Variants in ROR2 observed in about 807,000 individuals in gnomAD.
ROR2 encodes tyrosine-protein kinase transmembrane receptor ROR2.
Under a neutral mutation model 74.9 loss-of-function variants are expected in ROR2, and 33 were observed. That is an observed-to-expected ratio of 0.44 (90% confidence interval 0.33 to 0.59). ROR2 has a LOEUF of 0.59. Ranked by LOEUF, ROR2 falls within the 20% of genes least tolerant of loss-of-function variation. ROR2 has a pLI of 0.02. For missense variants in ROR2, 1,216 were observed against 1,313.8 expected (o/e 0.93, Z 1.15); for synonymous variants, 586 against 558.7 (o/e 1.05, Z -0.69).
chr9:91,812,796 C>T (rs1827804692), intron 1 of ROR2, among the ~76,000 whole-genome samples: 2 of 152,106 alleles, frequency 1.3e-5, no homozygotes, highest in African/African-American at 4.8e-5. Context: ...AAGAGGGAGG[C>T]TTCATTCTAC....
chr9:91,762,247 T>C (rs1666220187), intron 2 of ROR2, among the ~76,000 whole-genome samples: 1 of 152,222 alleles, frequency 6.6e-6, no homozygotes, highest in East Asian at 1.9e-4. Flanking sequence ...TAAGAGAGAA[T>C]GATCCTCTTT....
intron 8 of ROR2, 145 bp downstream of exon 8, chr9:91,726,394 GAA>G: frequency 1.8e-5 from 13 of 719,890 alleles, no homozygotes; most frequent in African/African-American, 3.6e-5. Context: ...CTAGTTTACA[GAA>G]AAAAAAAATG....
At chr9:91,837,370 C>T (rs1196447533) in intron 1 of ROR2, among the ~76,000 whole-genome samples, 1 of 152,182 alleles carries the variant, frequency 6.6e-6, no homozygotes, top group Non-Finnish European at 1.5e-5. Flanking sequence ...CTGTGCCCAG[C>T]CTGCTTACTG....
At position 91,803,743 on chromosome 9, in the gene ROR2, G is replaced by A. The variant is rs373361744; in HGVS notation, c.98-27925C>T. 1.4e-4 allele frequency among the ~76,000 whole-genome samples: 21 copies of A among 152,216 alleles called. No individual in the cohort carries two copies. The South Asian group carries it at 2.9e-3, about 21-fold the overall frequency. ...CCTTGGGGGGCCCACAGCCCTACGT[G>A]GGCGTACACACAGATGTGCCTCCCT... On this transcript the variant is annotated intron_variant, in intron 1 of 8. Transcript: ENST00000375708.
At chr9:91,865,190 CA>C (rs777802520) in intron 1 of ROR2, among the ~76,000 whole-genome samples, 11 of 152,214 alleles carry the variant, frequency 7.2e-5, no homozygotes, top group Non-Finnish European at 1.3e-4. Flanking sequence ...CACAGGACAA[CA>C]AAGAAAGAAA....
intron 4 of ROR2, among the ~76,000 whole-genome samples, chr9:91,753,631 G>T (rs139949405): frequency 1.7e-3 from 262 of 152,254 alleles, no homozygotes; most frequent in Non-Finnish European, 3.1e-3. Flanking sequence ...GCGGTGGCAC[G>T]AGTGGCTGGG....
In ROR2 at chr9:91,780,848, G is replaced by A. The variant is rs545775848; in HGVS notation, c.98-5030C>T. On this transcript the variant is annotated intron_variant, in intron 1 of 8. Coordinates refer to ENST00000375708, the MANE Select transcript of ROR2 (RefSeq NM_004560.4). ...CAAGCACGTCTGTTCTGATTCCAAG[G>A]CTCTACCTCTAGTATCACAATCATT... Among the ~76,000 whole-genome samples, 38 of 152,260 alleles carry A rather than the reference G, an allele frequency of 2.5e-4. No individual in the cohort carries two copies. In the South Asian group the frequency reaches 7.2e-3, roughly 29 times the overall value.
At chr9:91,851,973 TAAA>T (rs61049113) in intron 1 of ROR2, among the ~76,000 whole-genome samples, 2 of 138,924 alleles carry the variant, frequency 1.4e-5, no homozygotes, top group Non-Finnish European at 1.6e-5. Flanking sequence ...AAGACTCTGT[TAAA>T]AAAAAAAAAA....
rs1161004687 is a variant in ROR2, at chr9:91,724,265, G to A, written c.2229C>T (p.His743=). 1.9e-6 allele frequency: 3 copies of A among 1,613,466 alleles called. No homozygotes were observed. Among genetic ancestry groups the A allele is most frequent in the Non-Finnish European group, 2.5e-6 (3 of 1,180,034 alleles). ...PSRRPRFKDI[H]SRLRAWGNLS... ...GGTTGCCCCAGGCTCGGAGCCGGCT[G>A]TGGATGTCCTTGAAGCGGGGCCGCC... Residue 743 remains histidine, a synonymous_variant, in exon 9 of 9, where the codon CAC becomes CAT. Transcript: ENST00000375708.
At chr9:91,929,359 AGCTCC>A (rs1476315461) in intron 1 of ROR2, among the ~76,000 whole-genome samples, 1 of 152,190 alleles carries the variant, frequency 6.6e-6, no homozygotes, top group Non-Finnish European at 1.5e-5. Context: ...AAAATTTAAA[AGCTCC>A]GCAAAGGCAT....
chr9:91,918,259 G>A (rs1389738105), intron 1 of ROR2, among the ~76,000 whole-genome samples: 4 of 138,060 alleles, frequency 2.9e-5, no homozygotes, highest in East Asian at 4.2e-4. Context: ...CAGGAGACTC[G>A]TCTCAAAAAA....
intron 7 of ROR2, among the ~76,000 whole-genome samples, chr9:91,728,521 C>G (rs1837122021): frequency 6.6e-6 from 1 of 152,220 alleles, no homozygotes; most frequent in Non-Finnish European, 1.5e-5. Flanking sequence ...ACCTCTGCCC[C>G]CTGGGTTCAA....
chr9:91,825,125 C>A lies in ROR2; in HGVS notation c.98-49307G>T, dbSNP rs564522197. On this transcript the variant is annotated intron_variant, in intron 1 of 8. Transcript: ENST00000375708. The stretch of plus-strand genomic sequence containing the variant: ...ACAAGAAAAACACATCTGTTTCCAC[C>A]GCTGGCAGCATGTCTGTAACACACA... 9.1e-4 allele frequency among the ~76,000 whole-genome samples: 139 copies of A among 152,298 alleles called. 1 individual carries two copies. Among genetic ancestry groups the A allele is most frequent in the African/African-American group, 3.2e-3 (131 of 41,564 alleles).
chr9:91,756,743 CTTTTTTTT>C (rs557043787), intron 3 of ROR2, among the ~76,000 whole-genome samples: 1,783 of 104,120 alleles, frequency 0.017, 26 homozygotes, highest in South Asian at 0.054. Flanking sequence ...TTTTTGTTCT[CTTTTTTTT>C]TTTTTTTTTT....
intron 1 of ROR2, among the ~76,000 whole-genome samples, chr9:91,810,997 A>G (rs1351976182): frequency 2.0e-5 from 3 of 152,266 alleles, no homozygotes; most frequent in Non-Finnish European, 4.4e-5. Context: ...AGCAGAAACT[A>G]TAAGATGCAG....
At chr9:91,887,981 G>A (rs1448907209) in intron 1 of ROR2, among the ~76,000 whole-genome samples, 5 of 151,804 alleles carry the variant, frequency 3.3e-5, no homozygotes, top group Non-Finnish European at 4.4e-5. Flanking sequence ...TAGTAGAGAC[G>A]GGGTTTTGCC....
At chr9:91,746,287 G>A (rs527529827) in intron 4 of ROR2, among the ~76,000 whole-genome samples, 23 of 152,144 alleles carry the variant, frequency 1.5e-4, no homozygotes, top group African/African-American at 5.1e-4. Flanking sequence ...AAGTTGGCCC[G>A]GCTGGTTTCC....
intron 4 of ROR2, 107 bp downstream of exon 4, chr9:91,755,964 T>C (rs950799472): frequency 7.3e-6 from 9 of 1,239,780 alleles, no homozygotes; most frequent in African/African-American, 4.4e-5. Flanking sequence ...AGCCAACTTC[T>C]AGCAAATTCG....
chr9:91,803,677 T>C (rs1222993744), intron 1 of ROR2, among the ~76,000 whole-genome samples: 7 of 152,192 alleles, frequency 4.6e-5, no homozygotes, highest in African/African-American at 1.4e-4. Flanking sequence ...CATACACGGA[T>C]GTGTTTCCCT....
Sources: allele counts gnomAD v4.1 joint callset (sites outside exome capture counted in the v4.1 genomes callset), GRCh38; gene constraint gnomAD v4.1.1; transcripts MANE v1.5; gene names NCBI Gene and HGNC (gene_info 2026-07-23, HGNC 2026-07-21).